Variants in SCFD2 observed in about 807,000 individuals in gnomAD.
SCFD2 encodes sec1 family domain-containing protein 2.
SCFD2 carries 54 observed loss-of-function variants against 58.9 expected under a neutral mutation model. The ratio of observed to expected loss-of-function variants is 0.92; its 90% CI spans 0.74 to 1.15. SCFD2 has a LOEUF of 1.15. Ranked by LOEUF, SCFD2 falls within the 50% of genes most tolerant of loss-of-function variation. SCFD2 has a pLI of 0.00. For missense variants in SCFD2, 805 were observed against 836.6 expected, an observed-to-expected ratio of 0.96 and a Z score of 0.47; for synonymous variants, 321 against 335.9, an observed-to-expected ratio of 0.96 and a Z score of 0.49.
At chr4:53,152,467 T>A (rs1726539962) in intron 4 of SCFD2, among the ~76,000 whole-genome samples, 1 of 152,204 alleles carries the variant, frequency 6.6e-6, no homozygotes, top group Non-Finnish European at 1.5e-5. Flanking sequence ...ACATAAACAC[T>A]ATTAAAACCT....
rs1447649152 is a variant in SCFD2 at position 53,141,826 on chromosome 4, A to T, written c.1561+3507T>A. Among the ~76,000 whole-genome samples the T allele has an allele frequency of 2.6e-5, 4 of 152,264 alleles. 1 individual carries two copies. Among genetic ancestry groups the T allele is most frequent in the East Asian group, 3.9e-4 (2 of 5,174 alleles). On this transcript the variant is annotated intron_variant, in intron 5 of 8. Coordinates refer to ENST00000401642, the MANE Select transcript of SCFD2 (RefSeq NM_152540.4). ...AGCCTGGAGTTCTGATGTCTAAGGC[A>T]GCAAAAGAAAAGTCTGTCCCAGCTC... is the stretch of plus-strand genomic sequence containing the variant.
At chr4:53,240,213 C>T (rs1729851293) in intron 4 of SCFD2, among the ~76,000 whole-genome samples, 1 of 152,162 alleles carries the variant, frequency 6.6e-6, no homozygotes, top group Non-Finnish European at 1.5e-5. Context: ...TTCTCATCTA[C>T]CTCTTACCTT....
chr4:53,021,612 G>A (rs1442478537), intron 5 of SCFD2, among the ~76,000 whole-genome samples: 2 of 152,112 alleles, frequency 1.3e-5, no homozygotes, highest in East Asian at 1.9e-4. Context: ...CTCCAGGGGC[G>A]CAGCGGCAAG....
At chr4:53,329,355 T>A (rs1733340286) in intron 2 of SCFD2, among the ~76,000 whole-genome samples, 1 of 152,038 alleles carries the variant, frequency 6.6e-6, no homozygotes. Context: ...GTCTGACAGC[T>A]TTGAAGAGAG....
intron 5 of SCFD2, among the ~76,000 whole-genome samples, chr4:52,995,201 T>A (rs1419762096): frequency 6.6e-6 from 1 of 152,198 alleles, no homozygotes; most frequent in Non-Finnish European, 1.5e-5. Context: ...TGGTCCCATC[T>A]GGGAGTGATG....
intron 5 of SCFD2, among the ~76,000 whole-genome samples, chr4:53,090,566 A>C (rs1724439436): frequency 6.6e-6 from 1 of 152,214 alleles, no homozygotes; most frequent in South Asian, 2.1e-4. Context: ...CAGCTTGAAA[A>C]TATCCACAGT....
chr4:53,106,154 A>G (rs2148880073), intron 5 of SCFD2, among the ~76,000 whole-genome samples: 1 of 152,318 alleles, frequency 6.6e-6, no homozygotes, highest in Admixed American at 6.5e-5. Flanking sequence ...AAAACAAATA[A>G]ACAGAAAGGA....
intron 4 of SCFD2, among the ~76,000 whole-genome samples, chr4:53,271,731 G>C (rs1731175512): frequency 6.6e-6 from 1 of 152,104 alleles, no homozygotes; most frequent in Admixed American, 6.5e-5. Flanking sequence ...CCAAAGTGCT[G>C]GGATTACAAG....
At chr4:52,978,599 AGATT>A (rs1035146961) in intron 5 of SCFD2, among the ~76,000 whole-genome samples, 4 of 152,250 alleles carry the variant, frequency 2.6e-5, no homozygotes, top group African/African-American at 9.6e-5. Context: ...GTTTGTTTTT[AGATT>A]GATTTCCTAA....
rs552314893 is a variant in SCFD2, at chr4:53,329,404, G to C, written c.1008-15641C>G. ...AGCACGCAGCTGGAGATCTCAGAAC[G>C]GGCAGACTGCCTCCTCAAGTGGGTC... On this transcript the variant is annotated intron_variant, in intron 2 of 8. Coordinates refer to ENST00000401642, the MANE Select transcript of SCFD2 (RefSeq NM_152540.4). Among the ~76,000 whole-genome samples, 280 of 152,028 alleles carry C rather than the reference G, an allele frequency of 1.8e-3. 1 individual carries two copies. Among genetic ancestry groups the C allele is most frequent in the African/African-American group, 6.5e-3 (270 of 41,410 alleles).
chr4:53,012,657 C>T (rs1722121930), intron 5 of SCFD2, among the ~76,000 whole-genome samples: 1 of 152,114 alleles, frequency 6.6e-6, no homozygotes, highest in Admixed American at 6.6e-5. Flanking sequence ...ATTTTCTTAG[C>T]ATTTCAGGAG....
intron 4 of SCFD2, among the ~76,000 whole-genome samples, chr4:53,217,219 T>C (rs1383403399): frequency 2.0e-5 from 3 of 152,060 alleles, no homozygotes; most frequent in Non-Finnish European, 4.4e-5. Flanking sequence ...TTCTGTCTCG[T>C]TGATCTGTCT....
chr4:52,967,195 G>A (rs2109547165), intron 5 of SCFD2, among the ~76,000 whole-genome samples: 1 of 152,094 alleles, frequency 6.6e-6, no homozygotes, highest in Non-Finnish European at 1.5e-5. Flanking sequence ...CAACCTCAAG[G>A]GCATGTTGCT....
intron 4 of SCFD2, among the ~76,000 whole-genome samples, chr4:53,218,355 T>C (rs1728927253): frequency 6.6e-6 from 1 of 152,248 alleles, no homozygotes; most frequent in African/African-American, 2.4e-5. Context: ...TTACTCTTTT[T>C]TCTCTAAACT....
chr4:53,352,818 A>T, intron 1 of SCFD2, 52 bp from the exon 2 acceptor site: 1 of 1,490,494 alleles, frequency 6.7e-7, no homozygotes, highest in South Asian at 1.2e-5. Context: ...GGAAAAAGCA[A>T]GTTGGATAAA....
chr4:52,948,088 G>T (rs1403975629), intron 5 of SCFD2, among the ~76,000 whole-genome samples: 1 of 151,734 alleles, frequency 6.6e-6, no homozygotes, highest in African/African-American at 2.4e-5. Context: ...CAAATTTAAA[G>T]GTGTGATACT....
chr4:52,895,330 C>T (rs954207590), intron 7 of SCFD2, among the ~76,000 whole-genome samples: 14 of 152,114 alleles, frequency 9.2e-5, no homozygotes, highest in Non-Finnish European at 1.5e-5. Flanking sequence ...CCTACCCCTA[C>T]CCCACAACAG....
intron 4 of SCFD2, among the ~76,000 whole-genome samples, chr4:53,229,077 C>T (rs1729333408): frequency 6.6e-6 from 1 of 152,074 alleles, no homozygotes; most frequent in Admixed American, 6.6e-5. Context: ...TGTGAAGGAC[C>T]TCTTCAAGGA....
At chr4:53,080,244 A>C (rs1202223435) in intron 5 of SCFD2, among the ~76,000 whole-genome samples, 1 of 152,174 alleles carries the variant, frequency 6.6e-6, no homozygotes, top group Non-Finnish European at 1.5e-5. Flanking sequence ...CTCTGTGTTT[A>C]GGGGTAAAAT....
Sources: gnomAD v4.1 joint callset for allele counts (sites outside exome capture counted in the v4.1 genomes callset) on GRCh38, gnomAD v4.1.1 for gene constraint, MANE v1.5 for transcripts, NCBI Gene and HGNC (gene_info 2026-07-23, HGNC 2026-07-21) for gene names.